PPARGC1A: variants seen among roughly 807,000 people sequenced by gnomAD.
PPARGC1A encodes PPARG coactivator 1 alpha.
In PPARGC1A, 25 loss-of-function variants were observed where a neutral mutation model predicts 88.7. The ratio of observed to expected loss-of-function variants is 0.28; its 90% CI spans 0.21 to 0.39. PPARGC1A has a LOEUF of 0.39. Ranked by LOEUF, PPARGC1A falls within the 10% of genes least tolerant of loss-of-function variation. The pLI, the probability that PPARGC1A is intolerant of heterozygous loss-of-function variation, is 1.00. For missense variants in PPARGC1A, 880 were observed against 968.7 expected, an observed-to-expected ratio of 0.91 and a Z score of 1.22; for synonymous variants, 363 against 355.6, an observed-to-expected ratio of 1.02 and a Z score of -0.24.
the PPARGC1A span, among the ~76,000 whole-genome samples, chr4:24,251,954 C>G: frequency 6.6e-6 from 1 of 152,038 alleles, no homozygotes; most frequent in Non-Finnish European, 1.5e-5. Context: ...TCTTTTATTA[C>G]TATATTACTA....
At chr4:24,419,635 G>C in the PPARGC1A span, among the ~76,000 whole-genome samples, 1 of 151,778 alleles carries the variant, frequency 6.6e-6, no homozygotes, top group African/African-American at 2.4e-5. Context: ...AGGTGAGCTA[G>C]GGGCGCACTC....
chr4:23,891,180 T>A (rs1022817707), upstream of PPARGC1A, among the ~76,000 whole-genome samples: 1 of 152,200 alleles, frequency 6.6e-6, no homozygotes, highest in African/African-American at 2.4e-5. Flanking sequence ...CATAACAAAC[T>A]CAAGGTACTG....
intron 2 of PPARGC1A, among the ~76,000 whole-genome samples, chr4:23,878,190 A>G (rs1194111298): frequency 1.3e-5 from 2 of 152,134 alleles, no homozygotes; most frequent in Non-Finnish European, 1.5e-5. Flanking sequence ...AAAATGTCCC[A>G]GTTTACTTTC....
chr4:24,116,560 C>T, the PPARGC1A span, among the ~76,000 whole-genome samples: 5 of 152,118 alleles, frequency 3.3e-5, no homozygotes, highest in African/African-American at 7.2e-5. Context: ...TTTAATAAAC[C>T]GGTTTCAGAA....
At chr4:24,106,823 C>T in the PPARGC1A span, among the ~76,000 whole-genome samples, 1 of 152,230 alleles carries the variant, frequency 6.6e-6, no homozygotes, top group African/African-American at 2.4e-5. Context: ...AGCTGACCCA[C>T]CAGCTGGCTC....
At chr4:24,032,839 T>A in the PPARGC1A span, among the ~76,000 whole-genome samples, 1 of 152,208 alleles carries the variant, frequency 6.6e-6, no homozygotes, top group African/African-American at 2.4e-5. Context: ...ACAGACCACA[T>A]GCTCAATAAA....
At chr4:24,472,225 G>C in the PPARGC1A span, among the ~76,000 whole-genome samples, 1,094 of 152,188 alleles carry the variant, frequency 7.2e-3, 12 homozygotes, top group African/African-American at 0.025. The surrounding 1 kb of genome is among the most constrained non-coding windows in gnomAD (Gnocchi z 4.5). Context: ...ATCTCCTCTC[G>C]CCGGTTGGCG....
chr4:24,189,932 A>G, the PPARGC1A span, among the ~76,000 whole-genome samples: 2 of 152,062 alleles, frequency 1.3e-5, no homozygotes, highest in East Asian at 1.9e-4. Flanking sequence ...TCTGTATTTC[A>G]TGTGTGCAAG....
chr4:24,329,228 T>C, the PPARGC1A span, among the ~76,000 whole-genome samples: 48 of 151,622 alleles, frequency 3.2e-4, no homozygotes, highest in African/African-American at 1.1e-3. Flanking sequence ...GCCAAGTTCA[T>C]CCCTCAACAC....
the PPARGC1A span, among the ~76,000 whole-genome samples, chr4:24,051,957 A>C: frequency 6.6e-6 from 1 of 151,540 alleles, no homozygotes; most frequent in Non-Finnish European, 1.5e-5. Flanking sequence ...AAAAACTAAA[A>C]AGTAAGGGCC....
the PPARGC1A span, among the ~76,000 whole-genome samples, chr4:23,946,689 T>G: frequency 6.6e-6 from 1 of 152,116 alleles, no homozygotes; most frequent in Admixed American, 6.6e-5. Context: ...GATTGTTTGT[T>G]ATTTTTTATC....
chr4:24,209,357 T>C, the PPARGC1A span, among the ~76,000 whole-genome samples: 1 of 152,152 alleles, frequency 6.6e-6, no homozygotes. Context: ...AAGCAGTTGC[T>C]CCCAACACAG....
the PPARGC1A span, among the ~76,000 whole-genome samples, chr4:23,986,559 A>G: frequency 6.6e-6 from 1 of 152,120 alleles, no homozygotes. Context: ...CTCTTACAGA[A>G]AAGGCTTACA....
the PPARGC1A span, among the ~76,000 whole-genome samples, chr4:24,068,950 A>G: frequency 2.0e-5 from 3 of 152,206 alleles, no homozygotes; most frequent in Non-Finnish European, 2.9e-5. Flanking sequence ...TAGTGAAATG[A>G]GCATGGAATT....
the PPARGC1A span, among the ~76,000 whole-genome samples, chr4:24,292,557 TCAC>T: frequency 0.015 from 987 of 65,876 alleles, 25 homozygotes; most frequent in African/African-American, 0.059. Context: ...CCTGTCCTCC[TCAC>T]TACTGCCTCA....
chr4:23,916,466 C>T, the PPARGC1A span, among the ~76,000 whole-genome samples: 2 of 152,128 alleles, frequency 1.3e-5, no homozygotes, highest in African/African-American at 4.8e-5. Flanking sequence ...TCTTTCTCTG[C>T]CATAATCACA....
At chr4:24,440,530 A>G in the PPARGC1A span, among the ~76,000 whole-genome samples, 5 of 152,134 alleles carry the variant, frequency 3.3e-5, no homozygotes, top group African/African-American at 1.2e-4. Flanking sequence ...GGCCGGCCGC[A>G]GTGGCTCACG....
the PPARGC1A span, among the ~76,000 whole-genome samples, chr4:24,062,087 C>G: frequency 6.6e-6 from 1 of 152,134 alleles, no homozygotes. Context: ...AACAATAAAC[C>G]AAGTCTTTTG....
At chr4:24,441,944 A>AATGCTAGGCCGT in the PPARGC1A span, among the ~76,000 whole-genome samples, 1 of 152,236 alleles carries the variant, frequency 6.6e-6, no homozygotes, top group Non-Finnish European at 1.5e-5. Context: ...ATGAAAAAGA[A>AATGCTAGGCCGT]ATGCTAGGCC....
Sources: allele counts gnomAD v4.1 joint callset (sites outside exome capture counted in the v4.1 genomes callset), GRCh38; gene constraint gnomAD v4.1.1; non-coding constraint Gnocchi (gnomAD v3.1); transcripts MANE v1.5; gene names NCBI Gene and HGNC (gene_info 2026-07-23, HGNC 2026-07-21).